Variants in YBX1 observed in about 807,000 individuals in gnomAD.
The protein encoded by YBX1 is Y-box binding protein 1, also known as Y-box-binding protein 1.
Under a neutral mutation model 41.4 loss-of-function variants are expected in YBX1, and 3 were observed. The observed-to-expected ratio is 0.07, with a 90% confidence interval of 0.03 to 0.19. The LOEUF (loss-of-function observed/expected upper bound fraction) is 0.19, where lower values mean the gene tolerates loss of function less well. Among genes scored for constraint, YBX1 ranks in the 10% least tolerant of loss-of-function variants. The pLI, the probability that YBX1 is intolerant of heterozygous loss-of-function variation, is 1.00. For missense variants in YBX1, 274 were observed against 462.8 expected (o/e 0.59, Z 3.74); for synonymous variants, 133 against 165.8 (o/e 0.80, Z 1.52).
At chr1:42,691,880 G>A (rs1169872857) in intron 2 of YBX1, among the ~76,000 whole-genome samples, 1 of 149,730 alleles carries the variant, frequency 6.7e-6, no homozygotes, top group African/African-American at 2.4e-5. Flanking sequence ...TATTTTTTTT[G>A]AGATGGAATC....
chr1:42,683,168 C>A, intron 1 of YBX1: 1 of 657,274 alleles, frequency 1.5e-6, no homozygotes, highest in East Asian at 3.1e-5. Flanking sequence ...GGCCTGCGCA[C>A]ACACCCATCC....
At chr1:42,685,857 A>G (rs1411212280) in intron 2 of YBX1, among the ~76,000 whole-genome samples, 5 of 152,238 alleles carry the variant, frequency 3.3e-5, no homozygotes, top group African/African-American at 1.2e-4. Flanking sequence ...ACCTTGTTAG[A>G]ATTAATTCAT....
rs1054606774 is a variant in YBX1, at chr1:42,702,665, C to G, written c.*716C>G. On this transcript the variant is annotated 3_prime_UTR_variant, in exon 8 of 8. Transcript: ENST00000321358. Reference sequence around the variant, plus strand: ...TAAAAGGGCATTGCTCTAGCCTAGACCGACCAGACTCTCATCCTGCTCCAC... The same window carrying G: ...TAAAAGGGCATTGCTCTAGCCTAGAGCGACCAGACTCTCATCCTGCTCCAC... Among the ~76,000 whole-genome samples, 5 of 152,146 alleles carry G rather than the reference C, an allele frequency of 3.3e-5. No homozygotes were observed. Among genetic ancestry groups the G allele is most frequent in the Non-Finnish European group, 5.9e-5 (4 of 68,018 alleles).
chr1:42,683,185 C>T, intron 1 of YBX1: 2 of 665,492 alleles, frequency 3.0e-6, no homozygotes, highest in Non-Finnish European at 5.5e-6. Flanking sequence ...ATCCTGGGGC[C>T]CGCGCCCCGG....
In YBX1 at chr1:42,703,124, C is replaced by G. The variant is rs1295127685; in HGVS notation, c.*1175C>G. ...TATTTTTAATAGAGATGGGGTTGCA[C>G]TGTGTTAGCCAGGATGGTCTTGATC... On this transcript the variant is annotated 3_prime_UTR_variant, in exon 8 of 8. Coordinates refer to ENST00000321358, the MANE Select transcript of YBX1 (RefSeq NM_004559.5). Among the ~76,000 whole-genome samples, 1 of 152,088 alleles carries G rather than the reference C, an allele frequency of 6.6e-6. No individual in the cohort carries two copies. Among genetic ancestry groups the G allele is most frequent in the Non-Finnish European group, 1.5e-5 (1 of 68,024 alleles).
At chr1:42,692,726 C>G (rs1018191670) in intron 2 of YBX1, among the ~76,000 whole-genome samples, 2 of 152,220 alleles carry the variant, frequency 1.3e-5, no homozygotes, top group African/African-American at 4.8e-5. Flanking sequence ...GCCTGGAAAT[C>G]CGTTTCCTTC....
intron 6 of YBX1, among the ~76,000 whole-genome samples, chr1:42,700,221 G>A (rs1482317672): frequency 6.6e-6 from 1 of 152,130 alleles, no homozygotes; most frequent in Non-Finnish European, 1.5e-5. Context: ...AAGGCCTGGG[G>A]CTTTCTGGAG....
At chr1:42,690,548 C>T (rs541459726) in intron 2 of YBX1, among the ~76,000 whole-genome samples, 2 of 152,240 alleles carry the variant, frequency 1.3e-5, no homozygotes, top group South Asian at 4.1e-4. Context: ...CAGGGCACTC[C>T]TGTGACCTGC....
chr1:42,682,811 C>CGGGCGCGCGGCCGGT, intron 1 of YBX1, 80 bp downstream of exon 1: 1 of 982,408 alleles, frequency 1.0e-6, no homozygotes, highest in Non-Finnish European at 1.3e-6. Flanking sequence ...GGCGAGCCGG[C>CGGGCGCGCGGCCGGT]GGGCGCGCGG....
intron 2 of YBX1, 41 bp downstream of exon 2, chr1:42,683,507 CTT>C (rs1557527558): frequency 8.1e-6 from 13 of 1,610,698 alleles, no homozygotes; most frequent in Non-Finnish European, 1.1e-5. Flanking sequence ...CACCTTCTTG[CTT>C]GCTTCCTGCT....
chr1:42,690,210 C>CA (rs1398520309), intron 2 of YBX1, among the ~76,000 whole-genome samples: 3 of 146,136 alleles, frequency 2.1e-5, no homozygotes, highest in Non-Finnish European at 3.0e-5. Flanking sequence ...GACTCCATCT[C>CA]AAAAAAAAAT....
intron 3 of YBX1, among the ~76,000 whole-genome samples, chr1:42,694,410 GTT>G (rs10542871): frequency 0.41 from 62,605 of 151,866 alleles, 13,128 homozygotes; most frequent in Non-Finnish European, 0.44. Flanking sequence ...TGTGCTATCA[GTT>G]TTCTCACTAA....
At chr1:42,695,213 A>G (rs1467622076) in intron 3 of YBX1, among the ~76,000 whole-genome samples, 2 of 152,006 alleles carry the variant, frequency 1.3e-5, no homozygotes, top group African/African-American at 4.8e-5. Context: ...TATCAGGGAG[A>G]CTGCAGTTCT....
Position 42,694,978 on chromosome 1 carries a change from C to T in YBX1, c.265-1221C>T, listed in dbSNP as rs79687344. 1.6e-3 allele frequency among the ~76,000 whole-genome samples: 243 copies of T among 152,194 alleles called. 10 individuals carry two copies. In the East Asian group the frequency reaches 0.038, roughly 24 times the overall value. ...ATAAAGAGTTGGGATTTTAATTATC[C>T]ATAATTCTGCTATCCCCTATGACTG... On this transcript the variant is annotated intron_variant, in intron 3 of 7. Coordinates refer to ENST00000321358, the MANE Select transcript of YBX1 (RefSeq NM_004559.5).
At chr1:42,691,028 G>C (rs1650316428) in intron 2 of YBX1, among the ~76,000 whole-genome samples, 1 of 152,210 alleles carries the variant, frequency 6.6e-6, no homozygotes, top group Non-Finnish European at 1.5e-5. Context: ...CACTGCAGCT[G>C]TCTAATATTT....
chr1:42,692,147 C>G (rs1053873569), intron 2 of YBX1, among the ~76,000 whole-genome samples: 6 of 152,238 alleles, frequency 3.9e-5, no homozygotes, highest in African/African-American at 1.2e-4. Context: ...TTTAAATACC[C>G]TGCCAGGGGA....
chr1:42,701,350 G>A (rs1481524686), intron 7 of YBX1, among the ~76,000 whole-genome samples: 2 of 152,030 alleles, frequency 1.3e-5, no homozygotes, highest in East Asian at 3.9e-4. Flanking sequence ...GATTTCACTA[G>A]TAAACAGAGG....
chr1:42,696,334 T>C lies in YBX1; in HGVS notation c.354+46T>C. On this transcript the variant is annotated intron_variant, in intron 4 of 7. Transcript: ENST00000321358. The surrounding 1 kb of genome is among the most constrained non-coding windows in gnomAD (Gnocchi z 5.7). ...AAGGTTTGACTTCAGTATGGAAATA[T>C]TTTGGAGGTCTCATCCATTAGGATG... The C allele has an allele frequency of 6.3e-7, 1 of 1,592,492 alleles. No homozygotes were observed. Among genetic ancestry groups the C allele is most frequent in the Non-Finnish European group, 8.6e-7 (1 of 1,164,190 alleles).
chr1:42,696,500 C>T lies in YBX1; in HGVS notation c.355-142C>T. 1 of 957,222 alleles carries T rather than the reference C, an allele frequency of 1.0e-6. No individual in the cohort carries two copies. The highest frequency in any genetic ancestry group is 1.9e-5 in the South Asian group (1 of 53,478). The allele number at this position is 957,222 out of a possible 1,614,324, so 59.3% of individuals were successfully genotyped here. ...TTAGTCATTTCTGTGCACCCCTGGT[C>T]ACGCAGTTGCGCCCCCCCCCCCTTT... On this transcript the variant is annotated intron_variant, in intron 4 of 7. Transcript: ENST00000321358. This position sits in a 1 kb window ranked among gnomAD's most constrained non-coding sequence, Gnocchi z 5.7.
Sources: allele counts gnomAD v4.1 joint callset (sites outside exome capture counted in the v4.1 genomes callset), GRCh38; gene constraint gnomAD v4.1.1; non-coding constraint Gnocchi (gnomAD v3.1); transcripts MANE v1.5; gene names NCBI Gene and HGNC (gene_info 2026-07-23, HGNC 2026-07-21).